RBFOX1: variants seen among roughly 807,000 people sequenced by gnomAD.
RBFOX1 encodes the protein RNA binding fox-1 homolog 1, also known as RNA binding protein fox-1 homolog 1.
RBFOX1 carries 8 observed loss-of-function variants against 57.7 expected under a neutral mutation model. The ratio of observed to expected loss-of-function variants is 0.14; its 90% CI spans 0.08 to 0.25. The LOEUF (loss-of-function observed/expected upper bound fraction) is 0.25, where lower values mean the gene tolerates loss of function less well. Ranked by LOEUF, RBFOX1 falls within the 10% of genes least tolerant of loss-of-function variation. The pLI, the probability that RBFOX1 is intolerant of heterozygous loss-of-function variation, is 1.00. For synonymous variants in RBFOX1, 326 were observed against 222.4 expected (o/e 1.47, Z -4.15); for missense variants, 611 against 548.5 (o/e 1.11, Z -1.14).
chr16:7,485,632 T>C (rs2065173076), intron 4 of RBFOX1, among the ~76,000 whole-genome samples: 2 of 152,260 alleles, frequency 1.3e-5, no homozygotes. Flanking sequence ...AGAGAGGTTT[T>C]AAATAGAAGA....
chr16:5,695,759 T>C (rs896913437), intron 3 of RBFOX1, among the ~76,000 whole-genome samples: 57 of 152,314 alleles, frequency 3.7e-4, no homozygotes, highest in African/African-American at 1.4e-3. Flanking sequence ...TTAATACTTG[T>C]AATACTTACT....
At chr16:7,174,732 A>G (rs2081326734) in intron 4 of RBFOX1, among the ~76,000 whole-genome samples, 2 of 152,226 alleles carry the variant, frequency 1.3e-5, no homozygotes, top group Admixed American at 6.5e-5. Context: ...GTGAGCCAAG[A>G]TTGCGCCATT....
chr16:6,603,047 C>T (rs2097874784), intron 2 of RBFOX1, among the ~76,000 whole-genome samples: 1 of 152,200 alleles, frequency 6.6e-6, no homozygotes, highest in African/African-American at 2.4e-5. Flanking sequence ...TATTTACTGT[C>T]ATTGTCTACT....
chr16:7,504,317 T>C (rs1340022618), intron 4 of RBFOX1, among the ~76,000 whole-genome samples: 2 of 152,102 alleles, frequency 1.3e-5, no homozygotes, highest in African/African-American at 2.4e-5. Context: ...AATTGTATTA[T>C]TGTTATTATC....
intron 3 of RBFOX1, among the ~76,000 whole-genome samples, chr16:5,704,857 G>T (rs1015429095): frequency 6.6e-6 from 1 of 152,140 alleles, no homozygotes; most frequent in Non-Finnish European, 1.5e-5. Context: ...GAAACATGGG[G>T]TAATTTGAAT....
chr16:5,804,748 C>T (rs1287140452), intron 3 of RBFOX1, among the ~76,000 whole-genome samples: 2 of 152,204 alleles, frequency 1.3e-5, no homozygotes, highest in Non-Finnish European at 2.9e-5. Flanking sequence ...GCAGTGGCTG[C>T]TGCCTGGCCT....
chr16:6,339,337 C>T (rs1054506390), intron 2 of RBFOX1, among the ~76,000 whole-genome samples: 2 of 152,176 alleles, frequency 1.3e-5, no homozygotes, highest in African/African-American at 4.8e-5. Flanking sequence ...GGTTTGTTGC[C>T]TGATGTGTGC....
At chr16:5,296,598 A>C (rs2063674958) in intron 1 of RBFOX1, among the ~76,000 whole-genome samples, 1 of 151,760 alleles carries the variant, frequency 6.6e-6, no homozygotes, top group East Asian at 1.9e-4. Context: ...AGAGCTCTTG[A>C]ACATTTTCCT....
Position 6,032,412 on chromosome 16 carries a change from C to T in RBFOX1, c.-127+12420C>T, listed in dbSNP as rs369649752. Among the ~76,000 whole-genome samples, 54 of 152,286 alleles carry T rather than the reference C, an allele frequency of 3.5e-4. No individual in the cohort carries two copies. In the East Asian group the frequency reaches 9.1e-3, roughly 26 times the overall value. ...ATATACAATTATTCATTCCGTAGCA[C>T]TCCAGATTGCTTCACTGAAAGAAAG... is the stretch of plus-strand genomic sequence containing the variant. On this transcript the variant is annotated intron_variant, in intron 1 of 15. Coordinates refer to ENST00000550418, the MANE Select transcript of RBFOX1 (RefSeq NM_018723.4).
intron 3 of RBFOX1, among the ~76,000 whole-genome samples, chr16:5,652,723 G>C (rs560177129): frequency 1.3e-5 from 2 of 152,140 alleles, no homozygotes; most frequent in African/African-American, 4.8e-5. Context: ...AGGCACAGTG[G>C]GAAGAACAAA....
At chr16:5,307,675 G>T (rs7189681) in intron 1 of RBFOX1, among the ~76,000 whole-genome samples, 9,418 of 152,126 alleles carry the variant, frequency 0.062, 962 homozygotes, top group African/African-American at 0.21. Flanking sequence ...TATTTATGAT[G>T]AATTATTACT....
chr16:6,990,632 A>C (rs2091270173), intron 3 of RBFOX1, among the ~76,000 whole-genome samples: 1 of 152,134 alleles, frequency 6.6e-6, no homozygotes, highest in Non-Finnish European at 1.5e-5. Context: ...ATTGGTGCAA[A>C]AGTAATTGTG....
At chr16:5,454,841 CTTTCTTTCTTTCT>C (rs1387100823) in intron 1 of RBFOX1, among the ~76,000 whole-genome samples, 10 of 86,078 alleles carry the variant, frequency 1.2e-4, no homozygotes, top group South Asian at 7.3e-4. Context: ...GCTTTCTTTC[CTTTCTTTCTTTCT>C]TTTCTTTCTT....
chr16:6,165,969 G>A (rs2096913996), intron 1 of RBFOX1, among the ~76,000 whole-genome samples: 2 of 152,156 alleles, frequency 1.3e-5, no homozygotes, highest in South Asian at 4.1e-4. Context: ...GATGGGAAAG[G>A]GATGCTTAAT....
intron 3 of RBFOX1, among the ~76,000 whole-genome samples, chr16:6,949,849 T>C (rs892925901): frequency 6.6e-6 from 1 of 152,074 alleles, no homozygotes; most frequent in African/African-American, 2.4e-5. Flanking sequence ...CCGGACAGAA[T>C]GCAATTCCAA....
At chr16:6,266,255 T>G (rs535679019) in intron 1 of RBFOX1, among the ~76,000 whole-genome samples, 19 of 152,298 alleles carry the variant, frequency 1.2e-4, no homozygotes, top group African/African-American at 4.6e-4. Context: ...CATAGCCTAG[T>G]GAGAAATAAA....
chr16:6,024,847 C>A (rs1386634209), intron 1 of RBFOX1, among the ~76,000 whole-genome samples: 1 of 152,230 alleles, frequency 6.6e-6, no homozygotes, highest in African/African-American at 2.4e-5. Flanking sequence ...GTGCCAAGCA[C>A]TATTGAAAGC....
chr16:5,631,019 G>A (rs138844746), intron 3 of RBFOX1, among the ~76,000 whole-genome samples: 80 of 152,298 alleles, frequency 5.3e-4, no homozygotes, highest in Non-Finnish European at 9.3e-4. Context: ...TGGAAGGGTC[G>A]CACTTGTATC....
intron 4 of RBFOX1, among the ~76,000 whole-genome samples, chr16:6,012,598 G>T (rs1425513468): frequency 6.6e-6 from 1 of 152,214 alleles, no homozygotes; most frequent in Non-Finnish European, 1.5e-5. Flanking sequence ...CCCTGCTATA[G>T]GCAATATGTC....
Sources: allele counts gnomAD v4.1 joint callset (sites outside exome capture counted in the v4.1 genomes callset), GRCh38; gene constraint gnomAD v4.1.1; transcripts MANE v1.5; gene names NCBI Gene and HGNC (gene_info 2026-07-23, HGNC 2026-07-21).